Variants in CBLB observed in about 807,000 individuals in gnomAD.
CBLB encodes Cbl proto-oncogene B, also known as E3 ubiquitin-protein ligase CBL-B.
A neutral mutation model predicts 104.9 loss-of-function variants in CBLB; 31 were observed. That is an observed-to-expected ratio of 0.30 (90% CI 0.22 to 0.40). The LOEUF (loss-of-function observed/expected upper bound fraction) is 0.40, where lower values mean the gene tolerates loss of function less well. Among genes scored for constraint, CBLB ranks in the 10% least tolerant of loss-of-function variants. The pLI is 1.00. For synonymous variants in CBLB, 440 were observed against 422.6 expected, an observed-to-expected ratio of 1.04 and a Z score of -0.51; for missense variants, 1,062 against 1,214.6, an observed-to-expected ratio of 0.87 and a Z score of 1.87.
intron 3 of CBLB, among the ~76,000 whole-genome samples, chr3:105,780,950 C>T (rs952671563): frequency 2.0e-5 from 3 of 151,910 alleles, no homozygotes; most frequent in African/African-American, 7.3e-5. Flanking sequence ...TGTGAGCCAC[C>T]ACGCCTGGCC....
At chr3:105,677,291 C>G (rs1430384072) in intron 17 of CBLB, among the ~76,000 whole-genome samples, 6 of 150,326 alleles carry the variant, frequency 4.0e-5, no homozygotes. Flanking sequence ...CCAAGTTGTA[C>G]GTCCATAACT....
At chr3:105,754,264 T>C (rs1449615212) in intron 4 of CBLB, among the ~76,000 whole-genome samples, 1 of 151,560 alleles carries the variant, frequency 6.6e-6, no homozygotes, top group Non-Finnish European at 1.5e-5. Flanking sequence ...GGCTCTAAAC[T>C]TTCTTAAGAC....
At chr3:105,841,313 A>T (rs1292588596) in intron 3 of CBLB, among the ~76,000 whole-genome samples, 1 of 146,586 alleles carries the variant, frequency 6.8e-6, no homozygotes, top group Non-Finnish European at 1.5e-5. Flanking sequence ...AAAAAAAAGG[A>T]ATTAAAAATG....
At position 105,852,698 on chromosome 3, in the gene CBLB, T is replaced by C. The variant is rs542784986; in HGVS notation, c.419+716A>G. Among the ~76,000 whole-genome samples the C allele has an allele frequency of 4.5e-4, 65 of 145,546 alleles. 1 individual carries two copies. The highest frequency in any genetic ancestry group is 1.6e-3 in the African/African-American group (65 of 39,696). ...CTTCCAGTCTGGCAAGCTCCATGCATGTTATACAGGTTATTACAGGTTATC... is the reference window on the plus strand; with the variant it reads ...CTTCCAGTCTGGCAAGCTCCATGCACGTTATACAGGTTATTACAGGTTATC... On this transcript the variant is annotated intron_variant, in intron 3 of 18. Coordinates refer to ENST00000394030, the MANE Select transcript of CBLB (RefSeq NM_170662.5).
intron 3 of CBLB, among the ~76,000 whole-genome samples, chr3:105,783,310 T>G (rs560383016): frequency 6.6e-6 from 1 of 152,174 alleles, no homozygotes; most frequent in Non-Finnish European, 1.5e-5. Flanking sequence ...AGTAAGTTAT[T>G]TATCATTAAT....
At chr3:105,817,123 G>A (rs1182034048) in intron 3 of CBLB, among the ~76,000 whole-genome samples, 5 of 152,022 alleles carry the variant, frequency 3.3e-5, no homozygotes, top group African/African-American at 7.2e-5. Context: ...GAAATAAGAC[G>A]GCATATGTAA....
chr3:105,812,991 T>C (rs750106372), intron 3 of CBLB, among the ~76,000 whole-genome samples: 2 of 152,126 alleles, frequency 1.3e-5, no homozygotes, highest in Non-Finnish European at 2.9e-5. Context: ...CTAAAAGAAT[T>C]AAATGGTAAA....
At chr3:105,731,355 GA>G (rs2074291530) in intron 9 of CBLB, among the ~76,000 whole-genome samples, 3 of 152,116 alleles carry the variant, frequency 2.0e-5, no homozygotes, top group East Asian at 1.9e-4. Context: ...ACTGTATAAT[GA>G]AATCCATTTT....
At chr3:105,795,058 C>T (rs2082108215) in intron 3 of CBLB, among the ~76,000 whole-genome samples, 1 of 151,880 alleles carries the variant, frequency 6.6e-6, no homozygotes, top group Non-Finnish European at 1.5e-5. Context: ...GGACTACAGA[C>T]ACGCACCACC....
chr3:105,810,938 A>G (rs1052224516), intron 3 of CBLB, among the ~76,000 whole-genome samples: 4 of 152,118 alleles, frequency 2.6e-5, no homozygotes, highest in African/African-American at 9.7e-5. Flanking sequence ...ATATTTTATA[A>G]TATGTACAGT....
chr3:105,840,293 G>A (rs1485441803), intron 3 of CBLB, among the ~76,000 whole-genome samples: 1 of 151,926 alleles, frequency 6.6e-6, no homozygotes, highest in Non-Finnish European at 1.5e-5. Flanking sequence ...TAAACAGAGT[G>A]AGAAAGGAAG....
intron 3 of CBLB, among the ~76,000 whole-genome samples, chr3:105,809,516 T>C (rs544141644): frequency 6.6e-6 from 1 of 152,186 alleles, no homozygotes; most frequent in Non-Finnish European, 1.5e-5. Context: ...TAAACATACA[T>C]ACAGTCTACC....
chr3:105,803,092 A>G (rs2083086023), intron 3 of CBLB, among the ~76,000 whole-genome samples: 1 of 152,226 alleles, frequency 6.6e-6, no homozygotes, highest in South Asian at 2.1e-4. Context: ...GCACTCATGC[A>G]TAGTCATTTT....
chr3:105,690,159 T>C (rs1052131863), intron 13 of CBLB, among the ~76,000 whole-genome samples: 5 of 152,192 alleles, frequency 3.3e-5, no homozygotes, highest in Non-Finnish European at 7.4e-5. Context: ...GCTTTGACAT[T>C]CTTGGATTTA....
intron 2 of CBLB, among the ~76,000 whole-genome samples, chr3:105,859,672 A>G (rs1303134405): frequency 6.6e-6 from 1 of 151,352 alleles, no homozygotes; most frequent in Non-Finnish European, 1.5e-5. Context: ...CAAAAAAAAA[A>G]AAAAAAAAAA....
chr3:105,685,432 T>C lies in CBLB; in HGVS notation c.2089A>G (p.Lys697Glu). 4.3e-6 allele frequency: 7 copies of C among 1,613,422 alleles called. No individual in the cohort carries two copies. The highest frequency in any genetic ancestry group is 5.9e-6 in the Non-Finnish European group (7 of 1,179,476). Residue 697 changes from lysine to glutamate, a missense_variant, in exon 14 of 19, where the codon AAA becomes GAA. This residue lies in a region of CBLB where 605 missense variants were observed against 582.6 expected (regional missense o/e 1.04). Coordinates refer to ENST00000394030, the MANE Select transcript of CBLB (RefSeq NM_170662.5). ...TCTTCCTCTACTGGGTCTCTTGTTTTCTCTGAAAGAGAATTTGCTAACGGA... is the reference window on the plus strand; with the variant it reads ...TCTTCCTCTACTGGGTCTCTTGTTTCCTCTGAAAGAGAATTTGCTAACGGA... The part of the protein sequence containing the change: ...TGPLANSLSE[K>E]TRDPVEEDDD...
At position 105,702,522 on chromosome 3, in the gene CBLB, A is replaced by G. The variant is rs571383047; in HGVS notation, c.1594-63T>C. ...AAACTAAAGGTTGTACCATGCACTG[A>G]CAGAACTTCCAAACTAGTGTATTAT... On this transcript the variant is annotated intron_variant, in intron 11 of 18. Transcript: ENST00000394030. 1.2e-5 allele frequency: 18 copies of G among 1,467,420 alleles called. No homozygotes were observed. The African/African-American group carries it at 2.3e-4, about 19-fold the overall frequency. 90.9% of individuals were successfully genotyped at this position (1,467,420 alleles called of 1,614,324 possible).
At chr3:105,785,050 C>A (rs991698071) in intron 3 of CBLB, among the ~76,000 whole-genome samples, 3 of 152,170 alleles carry the variant, frequency 2.0e-5, no homozygotes, top group Non-Finnish European at 1.5e-5. Flanking sequence ...CTTTATCTGC[C>A]AGGGCACAAA....
intron 10 of CBLB, among the ~76,000 whole-genome samples, chr3:105,715,586 A>C (rs1434104933): frequency 6.6e-6 from 1 of 152,220 alleles, no homozygotes; most frequent in Admixed American, 6.5e-5. Context: ...TGCTGAAGAC[A>C]GGAAGAAACA....
Sources: allele counts gnomAD v4.1 joint callset (sites outside exome capture counted in the v4.1 genomes callset), GRCh38; gene constraint gnomAD v4.1.1; regional missense constraint gnomAD v4.1.1; transcripts MANE v1.5; gene names NCBI Gene and HGNC (gene_info 2026-07-23, HGNC 2026-07-21).